The following EML1 variants were observed in gnomAD, a reference collection of about 807,000 sequenced individuals.
EML1 encodes the protein EMAP like 1.
In EML1, 27 loss-of-function variants were observed where a neutral mutation model predicts 110.4. The ratio of observed to expected loss-of-function variants is 0.24; its 90% CI spans 0.18 to 0.34. The LOEUF (loss-of-function observed/expected upper bound fraction) is 0.34. Ranked by LOEUF, EML1 falls within the 10% of genes least tolerant of loss-of-function variation. The pLI is 1.00. For missense variants in EML1, 741 were observed against 1,030.9 expected (o/e 0.72, Z 3.85); for synonymous variants, 344 against 385.8 (o/e 0.89, Z 1.27).
intron 1 of EML1, among the ~76,000 whole-genome samples, chr14:99,843,570 T>C (rs1344880600): frequency 6.6e-6 from 1 of 152,230 alleles, no homozygotes; most frequent in Non-Finnish European, 1.5e-5. Context: ...ACCTGTTTTA[T>C]ACATAGAGGC....
Position 99,793,433 on chromosome 14 carries a change from G to T in EML1, c.-44G>T. 18 of 1,030,614 alleles carry T rather than the reference G, an allele frequency of 1.7e-5. No individual in the cohort carries two copies. The highest frequency in any genetic ancestry group is 2.1e-5 in the Non-Finnish European group (18 of 859,222). 63.8% of individuals were successfully genotyped at this position (1,030,614 alleles called of 1,614,324 possible). A position where few individuals can be genotyped will look rare whatever the true frequency, so the allele number is the denominator to read the frequency against. On this transcript the variant is annotated 5_prime_UTR_variant, in exon 1 of 22. Coordinates refer to ENST00000262233, the MANE Select transcript of EML1 (RefSeq NM_004434.3). ...AGCTCAGTGTGTGGTGAGCGGCGGC[G>T]GCGCGGCCGGGCCGGGGAGCGGGCG...
At chr14:99,852,556 A>G (rs562368001) in intron 2 of EML1, among the ~76,000 whole-genome samples, 13 of 152,358 alleles carry the variant, frequency 8.5e-5, no homozygotes, top group African/African-American at 2.6e-4. Flanking sequence ...CCAAGGCTGC[A>G]GAGAGCACCA....
intron 1 of EML1, among the ~76,000 whole-genome samples, chr14:99,813,051 G>T (rs1208003393): frequency 6.6e-6 from 1 of 152,146 alleles, no homozygotes; most frequent in Non-Finnish European, 1.5e-5. Flanking sequence ...CCTTTGAAAT[G>T]TAGTACTCTG....
At chr14:99,881,051 A>G (rs2059376792) in intron 4 of EML1, among the ~76,000 whole-genome samples, 1 of 152,232 alleles carries the variant, frequency 6.6e-6, no homozygotes, top group Non-Finnish European at 1.5e-5. Flanking sequence ...GGGGAAATAA[A>G]GTATTATAAA....
intron 12 of EML1, among the ~76,000 whole-genome samples, 180 bp from the exon 13 acceptor site, chr14:99,911,242 C>T (rs2059940833): frequency 6.6e-6 from 1 of 152,166 alleles, no homozygotes; most frequent in Admixed American, 6.5e-5. Flanking sequence ...TAAGGTAACC[C>T]ATTTCATGCT....
At chr14:99,865,358 A>G (rs1402367635) in intron 2 of EML1, among the ~76,000 whole-genome samples, 156 bp from the exon 3 acceptor site, 2 of 152,202 alleles carry the variant, frequency 1.3e-5, no homozygotes. Flanking sequence ...ATGGGTAGCA[A>G]CCGTAAATAG....
At chr14:99,923,834 T>C (rs1387657548) in intron 17 of EML1, among the ~76,000 whole-genome samples, 2 of 152,234 alleles carry the variant, frequency 1.3e-5, no homozygotes, top group Non-Finnish European at 2.9e-5. Context: ...GAAATTTTTT[T>C]GTAGACACAG....
At chr14:99,838,825 G>A (rs1470372077) in intron 1 of EML1, among the ~76,000 whole-genome samples, 1 of 152,058 alleles carries the variant, frequency 6.6e-6, no homozygotes, top group East Asian at 1.9e-4. Context: ...GTGGAGTGGG[G>A]GAAAGCTATC....
intron 1 of EML1, among the ~76,000 whole-genome samples, chr14:99,831,616 T>C (rs960308215): frequency 2.6e-5 from 4 of 152,204 alleles, no homozygotes; most frequent in East Asian, 1.9e-4. Context: ...AACTATTTTC[T>C]CTTTTTTTAA....
chr14:99,923,487 G>T (rs1477599737), intron 17 of EML1, among the ~76,000 whole-genome samples: 1 of 59,862 alleles, frequency 1.7e-5, no homozygotes, highest in Non-Finnish European at 2.7e-5. Context: ...TGGTGAGAAG[G>T]AAGAGCCTGT....
intron 2 of EML1, among the ~76,000 whole-genome samples, chr14:99,863,802 G>C (rs1270058666): frequency 6.6e-6 from 1 of 152,200 alleles, no homozygotes; most frequent in Non-Finnish European, 1.5e-5. Context: ...ATTTACATGC[G>C]GGTTTGTGTA....
At chr14:99,849,168 AT>A (rs1360881912) in intron 1 of EML1, among the ~76,000 whole-genome samples, 3 of 151,968 alleles carry the variant, frequency 2.0e-5, no homozygotes, top group Non-Finnish European at 2.9e-5. Flanking sequence ...TTGATGATTA[AT>A]TCTTTCTGGT....
chr14:99,862,915 G>A (rs966160580), intron 2 of EML1, among the ~76,000 whole-genome samples: 3 of 152,182 alleles, frequency 2.0e-5, no homozygotes, highest in Non-Finnish European at 2.9e-5. Context: ...TCAGAAACAT[G>A]TGTTTATACT....
At chr14:99,917,714 C>CGT (rs1162741154) in intron 15 of EML1, 68 bp from the exon 16 acceptor site, 1 of 1,497,468 alleles carries the variant, frequency 6.7e-7, no homozygotes, top group Non-Finnish European at 9.3e-7. Context: ...CACGCACTCA[C>CGT]GTGTGTGTGT....
At chr14:99,779,769 T>A (rs1192950841) in intron 1 of EML1, among the ~76,000 whole-genome samples, 1 of 152,180 alleles carries the variant, frequency 6.6e-6, no homozygotes, top group Non-Finnish European at 1.5e-5. Flanking sequence ...AGGCTATCAT[T>A]TATTTGCCAT....
At chr14:99,869,211 A>T (rs2059154356) in intron 3 of EML1, among the ~76,000 whole-genome samples, 1 of 152,186 alleles carries the variant, frequency 6.6e-6, no homozygotes, top group African/African-American at 2.4e-5. Context: ...TGTGTTGAGT[A>T]AATCTATCAG....
intron 17 of EML1, among the ~76,000 whole-genome samples, chr14:99,923,648 C>CAAT (rs2060176376): frequency 1.9e-5 from 1 of 52,002 alleles, no homozygotes; most frequent in African/African-American, 4.9e-4. Context: ...GCCCCCTTCA[C>CAAT]CTGTGTTTAT....
At chr14:99,795,956 C>T (rs968620360) in intron 1 of EML1, among the ~76,000 whole-genome samples, 5 of 152,094 alleles carry the variant, frequency 3.3e-5, no homozygotes, top group Admixed American at 6.6e-5. Flanking sequence ...GAAGTTGAGG[C>T]GGGAGGATTA....
intron 1 of EML1, among the ~76,000 whole-genome samples, chr14:99,783,709 T>G (rs552921117): frequency 6.6e-6 from 1 of 152,300 alleles, no homozygotes; most frequent in South Asian, 2.1e-4. Context: ...GGTCTCGATC[T>G]CCTGACCTCG....
Sources: allele counts gnomAD v4.1 joint callset (sites outside exome capture counted in the v4.1 genomes callset), GRCh38; gene constraint gnomAD v4.1.1; transcripts MANE v1.5; gene names NCBI Gene and HGNC (gene_info 2026-07-23, HGNC 2026-07-21).